PCDHGA10: variants seen among roughly 807,000 people sequenced by gnomAD.
The protein encoded by PCDHGA10 is protocadherin gamma-A10.
In PCDHGA10, 42 loss-of-function variants were observed where a neutral mutation model predicts 59.5. That is an observed-to-expected ratio of 0.71 (90% CI 0.55 to 0.91). PCDHGA10 has a LOEUF of 0.91. Among genes scored for constraint, PCDHGA10 ranks in the 40% least tolerant of loss-of-function variants. The pLI, the probability that PCDHGA10 is intolerant of heterozygous loss-of-function variation, is 0.00. For missense variants in PCDHGA10, 1,111 were observed against 1,198.2 expected (o/e 0.93, Z 1.07); for synonymous variants, 511 against 517.2 (o/e 0.99, Z 0.16).
chr5:141,431,092 G>A lies in PCDHGA10; in HGVS notation c.2436+15481G>A. On this transcript the variant is annotated intron_variant, in intron 1 of 3. Coordinates refer to ENST00000398610, the MANE Select transcript of PCDHGA10 (RefSeq NM_018913.3). This position sits in a 1 kb window ranked among gnomAD's most constrained non-coding sequence, Gnocchi z 4.8. ...AATTAAATCTAGACATTCTGATGGAGGATAAAGTGAAAATATATGGAGTAG... is the reference window on the plus strand; with the variant it reads ...AATTAAATCTAGACATTCTGATGGAAGATAAAGTGAAAATATATGGAGTAG... 1 of 1,614,252 alleles carries A rather than the reference G, an allele frequency of 6.2e-7. No individual in the cohort carries two copies. The highest frequency in any genetic ancestry group is 1.1e-5 in the South Asian group (1 of 91,090).
At chr5:141,418,583 T>A (rs1242446631) in intron 1 of PCDHGA10, 1 of 1,613,862 alleles carries the variant, frequency 6.2e-7, no homozygotes, top group Non-Finnish European at 8.5e-7. Flanking sequence ...CCCCCCAGTG[T>A]TCAGCCAGGA....
intron 2 of PCDHGA10, among the ~76,000 whole-genome samples, chr5:141,500,231 C>T (rs992215482): frequency 1.4e-5 from 2 of 138,098 alleles, no homozygotes; most frequent in East Asian, 4.1e-4. Context: ...TTTATTGATA[C>T]GTAGCCTTGC....
intron 1 of PCDHGA10, chr5:141,423,387 G>A (rs373190092): frequency 6.2e-7 from 1 of 1,614,162 alleles, no homozygotes; most frequent in Non-Finnish European, 8.5e-7. Context: ...TGTGGCGCTG[G>A]CATAAGTCAC....
At chr5:141,506,306 G>A (rs539365378) in intron 3 of PCDHGA10, among the ~76,000 whole-genome samples, 4 of 152,040 alleles carry the variant, frequency 2.6e-5, no homozygotes, top group Non-Finnish European at 5.9e-5. Flanking sequence ...AAAATTAGCT[G>A]GGCATGGTGG....
At position 141,491,597 on chromosome 5, in the gene PCDHGA10, A is replaced by T. The variant is rs1389838814; in HGVS notation, c.2437-3210A>T. Reference sequence around the variant, plus strand: ...TTTTCACCGGCCTCGGACGGCAGTGACTTCACTTTTCTAAGACCCCTCAGC... The same window carrying T: ...TTTTCACCGGCCTCGGACGGCAGTGTCTTCACTTTTCTAAGACCCCTCAGC... On this transcript the variant is annotated intron_variant, in intron 1 of 3. Coordinates refer to ENST00000398610, the MANE Select transcript of PCDHGA10 (RefSeq NM_018913.3). This position sits in a 1 kb window ranked among gnomAD's most constrained non-coding sequence, Gnocchi z 6.9. 1.2e-6 allele frequency: 2 copies of T among 1,613,788 alleles called. No individual in the cohort carries two copies. The highest frequency in any genetic ancestry group is 1.7e-6 in the Non-Finnish European group (2 of 1,180,012).
chr5:141,421,670 T>A, intron 1 of PCDHGA10: 3 of 1,613,892 alleles, frequency 1.9e-6, no homozygotes, highest in Non-Finnish European at 2.5e-6. Flanking sequence ...GAGCACGCAA[T>A]TCCTGGGGCG....
chr5:141,498,930 C>T (rs2099786911), intron 2 of PCDHGA10, among the ~76,000 whole-genome samples: 1 of 121,364 alleles, frequency 8.2e-6, no homozygotes, highest in Non-Finnish European at 1.6e-5. Flanking sequence ...GAGACTCCAT[C>T]AGGAAAGAAA....
chr5:141,511,267 C>G lies in PCDHGA10; in HGVS notation c.*94C>G. The G allele has an allele frequency of 6.5e-7, 1 of 1,549,404 alleles. No homozygotes were observed. The highest frequency in any genetic ancestry group is 8.7e-7 in the Non-Finnish European group (1 of 1,146,836). On this transcript the variant is annotated 3_prime_UTR_variant, in exon 4 of 4. Coordinates refer to ENST00000398610, the MANE Select transcript of PCDHGA10 (RefSeq NM_018913.3). Reference sequence around the variant, plus strand: ...CCAGGCCTCAGAGTTTCAGGGCTAACCCCCAGAATACTGGTAGGGGCCAAG... The same window carrying G: ...CCAGGCCTCAGAGTTTCAGGGCTAAGCCCCAGAATACTGGTAGGGGCCAAG...
chr5:141,510,798 A>G, intron 3 of PCDHGA10, 149 bp from the exon 4 acceptor site: 1 of 1,474,326 alleles, frequency 6.8e-7, no homozygotes, highest in South Asian at 1.3e-5. Context: ...GTGAAGAGAG[A>G]CTACCTTGGT....
In PCDHGA10 at chr5:141,512,394, C is replaced by A. The variant is rs750967336; in HGVS notation, c.*1221C>A. 1 of 152,706 alleles carries A rather than the reference C, an allele frequency of 6.5e-6. No homozygotes were observed. The highest frequency in any genetic ancestry group is 1.5e-5 in the Non-Finnish European group (1 of 68,084). The allele number at this position is 152,706 out of a possible 1,614,324, so 9.5% of individuals were successfully genotyped here. ...GACCAAATGAACAGAAAGTCTCAGC[C>A]CAGGATGGGGCTTCTTCAACAGGGC... is the stretch of plus-strand genomic sequence containing the variant. On this transcript the variant is annotated 3_prime_UTR_variant, in exon 4 of 4. Transcript: ENST00000398610.
intron 1 of PCDHGA10, chr5:141,418,009 C>G (rs780624400): frequency 6.2e-7 from 1 of 1,613,776 alleles, no homozygotes; most frequent in African/African-American, 1.3e-5. Context: ...TGGGGAACCT[C>G]GCTAAGGATC....
intron 1 of PCDHGA10, among the ~76,000 whole-genome samples, chr5:141,434,902 C>T (rs1591355042): frequency 6.6e-6 from 1 of 151,934 alleles, no homozygotes; most frequent in East Asian, 1.9e-4. Flanking sequence ...CCCCTTCCCT[C>T]ATACCTTATT....
At chr5:141,503,478 C>T (rs1249372985) in intron 2 of PCDHGA10, among the ~76,000 whole-genome samples, 3 of 151,680 alleles carry the variant, frequency 2.0e-5, no homozygotes, top group East Asian at 1.9e-4. Context: ...GTGCACTTGT[C>T]GTCCCAGCTG....
At position 141,486,811 on chromosome 5, in the gene PCDHGA10, C is replaced by A. The variant is rs2099635196; in HGVS notation, c.2437-7996C>A. On this transcript the variant is annotated intron_variant, in intron 1 of 3. Coordinates refer to ENST00000398610, the MANE Select transcript of PCDHGA10 (RefSeq NM_018913.3). The surrounding 1 kb of genome is among the most constrained non-coding windows in gnomAD (Gnocchi z 5.0). ...GGGATCGGGGCAACCCACCCCTTAG[C>A]AGCACTGTAACAGTTCGTCTATTTG... The A allele has an allele frequency of 1.2e-6, 2 of 1,614,124 alleles. No homozygotes were observed. The highest frequency in any genetic ancestry group is 2.2e-5 in the East Asian group (1 of 44,900).
At chr5:141,419,781 G>C (rs1331740421) in intron 1 of PCDHGA10, 1 of 1,614,032 alleles carries the variant, frequency 6.2e-7, no homozygotes. Context: ...GTCCGCCAGC[G>C]CCTGCTAGTC....
chr5:141,433,199 A>G (rs2097574804), intron 1 of PCDHGA10: 1 of 1,579,570 alleles, frequency 6.3e-7, no homozygotes, highest in Non-Finnish European at 8.6e-7. Context: ...TTTATATCAA[A>G]TCTTCTTTCT....
intron 1 of PCDHGA10, chr5:141,417,532 TA>T (rs1457524771): frequency 6.7e-5 from 19 of 284,780 alleles, no homozygotes; most frequent in South Asian, 1.5e-4. Context: ...ACTCGTAGTT[TA>T]AAAAAAATTC....
chr5:141,483,289 A>G (rs1446467890), intron 1 of PCDHGA10, among the ~76,000 whole-genome samples: 3 of 152,194 alleles, frequency 2.0e-5, no homozygotes, highest in Admixed American at 2.0e-4. Flanking sequence ...TCTGTCAGTC[A>G]TAAGTGAAGG....
In PCDHGA10 at chr5:141,433,032, C is replaced by T. The variant is rs751061646; in HGVS notation, c.2436+17421C>T. The T allele has an allele frequency of 2.5e-6, 4 of 1,614,188 alleles. No homozygotes were observed. Among genetic ancestry groups the T allele is most frequent in the African/African-American group, 2.7e-5 (2 of 75,058 alleles). On this transcript the variant is annotated intron_variant, in intron 1 of 3. Transcript: ENST00000398610. ...CTGCAGACCTATTCCCACGAGGTTTCCCTCACCACGGACTCGCGGAAGAGT... is the reference window on the plus strand; with the variant it reads ...CTGCAGACCTATTCCCACGAGGTTTTCCTCACCACGGACTCGCGGAAGAGT...
Sources: gnomAD v4.1 joint callset for allele counts (sites outside exome capture counted in the v4.1 genomes callset) on GRCh38, gnomAD v4.1.1 for gene constraint, Gnocchi (gnomAD v3.1) non-coding constraint, MANE v1.5 for transcripts, NCBI Gene and HGNC (gene_info 2026-07-23, HGNC 2026-07-21) for gene names.